The following CRTC3 variants were observed in gnomAD, a reference collection of about 807,000 sequenced individuals.
CRTC3 encodes CREB-regulated transcription coactivator 3.
A neutral mutation model predicts 74.5 loss-of-function variants in CRTC3; 26 were observed. The ratio of observed to expected loss-of-function variants is 0.35; its 90% CI spans 0.26 to 0.48. CRTC3 has a LOEUF of 0.48. Ranked by LOEUF, CRTC3 falls within the 20% of genes least tolerant of loss-of-function variation. CRTC3 has a pLI of 0.99. For synonymous variants in CRTC3, 377 were observed against 325.8 expected (o/e 1.16, Z -1.69); for missense variants, 760 against 787.3 (o/e 0.97, Z 0.41).
intron 14 of CRTC3, among the ~76,000 whole-genome samples, 170 bp from the exon 15 acceptor site, chr15:90,641,762 G>A (rs941318560): frequency 2.0e-5 from 3 of 152,112 alleles, no homozygotes; most frequent in South Asian, 2.1e-4. Context: ...TGGGAGTTGT[G>A]CAACTGACTG....
At chr15:90,623,650 C>A (rs1968727961) in intron 9 of CRTC3, among the ~76,000 whole-genome samples, 1 of 152,170 alleles carries the variant, frequency 6.6e-6, no homozygotes, top group South Asian at 2.1e-4. Flanking sequence ...CCCAAGACCC[C>A]TTCCCCAAGT....
intron 2 of CRTC3, among the ~76,000 whole-genome samples, chr15:90,567,904 A>G (rs1444977637): frequency 6.6e-6 from 1 of 152,210 alleles, no homozygotes; most frequent in African/African-American, 2.4e-5. Flanking sequence ...GCTGTCATAG[A>G]TAGTGATTCC....
intron 2 of CRTC3, among the ~76,000 whole-genome samples, chr15:90,565,268 C>T (rs1156665789): frequency 2.6e-5 from 4 of 152,058 alleles, no homozygotes; most frequent in African/African-American, 7.2e-5. Context: ...TTCTAAGTCT[C>T]GGTTTCTTAA....
At position 90,643,728 on chromosome 15, in the gene CRTC3, A is replaced by AGG. The variant is rs983562770; in HGVS notation, c.*1595_*1596dup. 4.7e-6 allele frequency: 1 copy of AGG among 210,582 alleles called. No homozygotes were observed. The highest frequency in any genetic ancestry group is 2.3e-5 in the African/African-American group (1 of 42,592). The allele number at this position is 210,582 out of a possible 1,614,324, so 13.0% of individuals were successfully genotyped here. Reference sequence around the variant, plus strand: ...GAAGGGGGCAGAGCACTGCAGGGGGAGGGGGGGGTCTAGGCTGTGAGAGGA... The same window carrying AGG: ...GAAGGGGGCAGAGCACTGCAGGGGGAGGGGGGGGGGTCTAGGCTGTGAGAGGA... On this transcript the variant is annotated 3_prime_UTR_variant, in exon 15 of 15. Coordinates refer to ENST00000268184, the MANE Select transcript of CRTC3 (RefSeq NM_022769.5).
chr15:90,581,968 G>C (rs975436695), intron 2 of CRTC3, among the ~76,000 whole-genome samples: 2 of 152,118 alleles, frequency 1.3e-5, no homozygotes, highest in African/African-American at 2.4e-5. Context: ...TTCCTGCTTG[G>C]CCTGAAGTGC....
At chr15:90,632,884 A>G (rs1183615097) in intron 11 of CRTC3, among the ~76,000 whole-genome samples, 1 of 152,192 alleles carries the variant, frequency 6.6e-6, no homozygotes, top group Non-Finnish European at 1.5e-5. Flanking sequence ...GATTACAGGC[A>G]TGAGCCACCT....
In CRTC3 at chr15:90,540,150, A is replaced by G; in HGVS notation, c.231+13A>G. ...GTCAGAGTTTCAGGTACCTCCAGATATGTACTTTCTTGAAGCTGAATGGAG... is the reference window on the plus strand; with the variant it reads ...GTCAGAGTTTCAGGTACCTCCAGATGTGTACTTTCTTGAAGCTGAATGGAG... On this transcript the variant is annotated intron_variant, in intron 2 of 14. Coordinates refer to ENST00000268184, the MANE Select transcript of CRTC3 (RefSeq NM_022769.5). 1 of 1,549,190 alleles carries G rather than the reference A, an allele frequency of 6.5e-7. No individual in the cohort carries two copies. The highest frequency in any genetic ancestry group is 8.8e-7 in the Non-Finnish European group (1 of 1,130,384).
chr15:90,574,203 G>T (rs964458397), intron 2 of CRTC3, among the ~76,000 whole-genome samples: 1 of 152,132 alleles, frequency 6.6e-6, no homozygotes, highest in African/African-American at 2.4e-5. Context: ...TATTGGCCGG[G>T]CGTGGTGGCT....
chr15:90,615,970 C>A (rs1189715440), intron 7 of CRTC3, among the ~76,000 whole-genome samples: 3 of 151,976 alleles, frequency 2.0e-5, no homozygotes, highest in African/African-American at 7.3e-5. Context: ...AGCGATTCTC[C>A]TGCCTCAGCC....
intron 6 of CRTC3, chr15:90,613,737 TG>T (rs1423097833): frequency 6.6e-6 from 1 of 152,218 alleles, no homozygotes; most frequent in Non-Finnish European, 1.5e-5. Context: ...AAAACTTATT[TG>T]GTATATTTGA....
intron 11 of CRTC3, among the ~76,000 whole-genome samples, chr15:90,631,741 AT>A (rs372569653): frequency 2.3e-4 from 35 of 150,516 alleles, no homozygotes; most frequent in African/African-American, 7.6e-4. Context: ...AAAAAAAAAA[AT>A]TAGAATTAAA....
chr15:90,616,590 A>G lies in CRTC3; in HGVS notation c.614-1293A>G, dbSNP rs542235140. The stretch of plus-strand genomic sequence containing the variant: ...TCTGTGGCCACTGGAACTCAACAGC[A>G]TTCCTGGTTCTGAGTAGTCACTGGT... On this transcript the variant is annotated intron_variant, in intron 7 of 14. Transcript: ENST00000268184. 4.7e-4 allele frequency among the ~76,000 whole-genome samples: 72 copies of G among 152,268 alleles called. No homozygotes were observed. The South Asian group carries it at 0.014, about 29-fold the overall frequency.
chr15:90,552,516 G>A (rs1488429539), intron 2 of CRTC3, among the ~76,000 whole-genome samples: 1 of 149,644 alleles, frequency 6.7e-6, no homozygotes, highest in Non-Finnish European at 1.5e-5. Flanking sequence ...TGGAGTATGG[G>A]CAGTGACTTG....
intron 5 of CRTC3, 75 bp from the exon 6 acceptor site, chr15:90,607,303 A>G: frequency 3.6e-6 from 3 of 838,668 alleles, no homozygotes. Flanking sequence ...TCCTGTTGGT[A>G]ATATTCAACA....
At chr15:90,622,054 C>CA (rs1968669410) in intron 9 of CRTC3, among the ~76,000 whole-genome samples, 1 of 152,120 alleles carries the variant, frequency 6.6e-6, no homozygotes, top group Non-Finnish European at 1.5e-5. Context: ...GTTGAGGAAA[C>CA]CTTTCTGATA....
At chr15:90,629,889 A>AT (rs1715651020) in intron 11 of CRTC3, among the ~76,000 whole-genome samples, 2 of 151,888 alleles carry the variant, frequency 1.3e-5, no homozygotes, top group Non-Finnish European at 2.9e-5. Flanking sequence ...TACCTGACTA[A>AT]TTTTTTGATT....
intron 2 of CRTC3, among the ~76,000 whole-genome samples, chr15:90,545,995 G>A (rs926634706): frequency 6.6e-6 from 1 of 152,180 alleles, no homozygotes; most frequent in Non-Finnish European, 1.5e-5. Context: ...CTCCCAGTCT[G>A]TGGCTTGTTT....
chr15:90,532,513 CAGACATTACTGA>C (rs1966643604), intron 1 of CRTC3, among the ~76,000 whole-genome samples: 1 of 152,174 alleles, frequency 6.6e-6, no homozygotes, highest in Admixed American at 6.5e-5. Flanking sequence ...ATCGATAGGG[CAGACATTACTGA>C]TCTATCTAGA....
intron 1 of CRTC3, among the ~76,000 whole-genome samples, chr15:90,536,262 G>A (rs1251697042): frequency 6.6e-6 from 1 of 152,096 alleles, no homozygotes; most frequent in African/African-American, 2.4e-5. Flanking sequence ...CTGGCCAGGT[G>A]CCATGGCTCA....
Sources: allele counts gnomAD v4.1 joint callset (sites outside exome capture counted in the v4.1 genomes callset), GRCh38; gene constraint gnomAD v4.1.1; transcripts MANE v1.5; gene names NCBI Gene and HGNC (gene_info 2026-07-23, HGNC 2026-07-21).